SLC44A2: variants seen among roughly 807,000 people sequenced by gnomAD.
SLC44A2 encodes choline transporter-like protein 2.
In SLC44A2, 57 loss-of-function variants were observed where a neutral mutation model predicts 90.8. The observed-to-expected ratio is 0.63, with a 90% CI of 0.51 to 0.78. The LOEUF is 0.78. Among genes scored for constraint, SLC44A2 ranks in the 30% least tolerant of loss-of-function variants. The probability of loss-of-function intolerance (pLI) is 0.00; values close to 1 mark genes in which losing one functional copy is unlikely to be tolerated. For missense variants in SLC44A2, 794 were observed against 919.7 expected (o/e 0.86, Z 1.77); for synonymous variants, 355 against 360.7 (o/e 0.98, Z 0.18).
Position 10,643,381 on chromosome 19 carries a change from C to T in SLC44A2, c.2117C>T (p.Ser706Phe). The stretch of plus-strand genomic sequence containing the variant: ...AAGACCAACAAGAAGGCAGCGGAGT[C>T]CTGAAGGCCCCGTGCTCCCCACCTC... The part of the protein sequence containing the change: ...LNKTNKKAAE[S>F] Residue 706 changes from serine to phenylalanine, a missense_variant, in exon 22 of 22, where the codon TCC becomes TTC. Coordinates refer to ENST00000335757, the MANE Select transcript of SLC44A2 (RefSeq NM_020428.4). 2.5e-6 allele frequency: 4 copies of T among 1,609,486 alleles called. No homozygotes were observed. Among genetic ancestry groups the T allele is most frequent in the Non-Finnish European group, 3.4e-6 (4 of 1,177,434 alleles).
chr19:10,633,088 T>C lies in SLC44A2; in HGVS notation c.823+932T>C, dbSNP rs1314803106. On this transcript the variant is annotated intron_variant, in intron 10 of 21. Coordinates refer to ENST00000335757, the MANE Select transcript of SLC44A2 (RefSeq NM_020428.4). ...GGTAGGGGCCTGTTTAGTTCAGGCC[T>C]GTGGAATCCAGAGGCACAATATCGT... Among the ~76,000 whole-genome samples the C allele has an allele frequency of 4.6e-5, 7 of 152,300 alleles. No individual in the cohort carries two copies. In the East Asian group the frequency reaches 1.2e-3, roughly 25 times the overall value.
At chr19:10,641,356 T>G (rs1382899442) in intron 20 of SLC44A2, 2 of 429,384 alleles carry the variant, frequency 4.7e-6, no homozygotes, top group East Asian at 1.4e-4. Flanking sequence ...ATGGGGCCAC[T>G]GCACTCTAGC....
chr19:10,634,912 C>T, intron 11 of SLC44A2, 25 bp downstream of exon 11: 1 of 1,614,174 alleles, frequency 6.2e-7, no homozygotes, highest in Non-Finnish European at 8.5e-7. Context: ...CCCATTCCTG[C>T]CCCCACATGA....
chr19:10,610,032 G>A (rs1457537076), intron 1 of SLC44A2, among the ~76,000 whole-genome samples: 3 of 151,690 alleles, frequency 2.0e-5, no homozygotes, highest in Admixed American at 6.6e-5. Flanking sequence ...TCTCAAACTC[G>A]TGACCTCAAA....
At chr19:10,637,515 C>G (rs1317714221) in intron 16 of SLC44A2, 129 bp from the exon 17 acceptor site, 6 of 790,994 alleles carry the variant, frequency 7.6e-6, no homozygotes, top group Non-Finnish European at 1.3e-5. Flanking sequence ...GGGCTTAAGT[C>G]CCTGTCTCTT....
chr19:10,629,997 C>T lies in SLC44A2; in HGVS notation c.246-1060C>T, dbSNP rs184060425. On this transcript the variant is annotated intron_variant, in intron 4 of 21. Transcript: ENST00000335757. ...CTCGAACTCCTGACCTCAGGTGATC[C>T]GCCTGCCTTGGCCTCCAAAAGTGCT... is the stretch of plus-strand genomic sequence containing the variant. Among the ~76,000 whole-genome samples the T allele has an allele frequency of 4.1e-3, 616 of 151,662 alleles. 11 individuals are homozygous for T. Among genetic ancestry groups the T allele is most frequent in the Admixed American group, 0.034 (514 of 15,214 alleles).
At chr19:10,604,143 C>T (rs1302750169) in intron 1 of SLC44A2, among the ~76,000 whole-genome samples, 3 of 152,108 alleles carry the variant, frequency 2.0e-5, no homozygotes, top group Non-Finnish European at 2.9e-5. Flanking sequence ...AATCCTTGAC[C>T]GCAGGGAGTA....
In SLC44A2 at chr19:10,643,379, G is replaced by A; in HGVS notation, c.2115G>A (p.Glu705=). Residue 705 remains glutamate (E), a synonymous_variant, in exon 22 of 22, where the codon GAG becomes GAA. Transcript: ENST00000335757. ...LLNKTNKKAA[E]S is the part of the protein sequence containing the mutation. ...ACAAGACCAACAAGAAGGCAGCGGA[G>A]TCCTGAAGGCCCCGTGCTCCCCACC... 6.2e-7 allele frequency: 1 copy of A among 1,611,028 alleles called. No homozygotes were observed. The highest frequency in any genetic ancestry group is 8.5e-7 in the Non-Finnish European group (1 of 1,178,332).
At position 10,638,048 on chromosome 19, in the gene SLC44A2, G is replaced by C; in HGVS notation, c.1795G>C (p.Asp599His). 1 of 1,613,954 alleles carries C rather than the reference G, an allele frequency of 6.2e-7. No homozygotes were observed. The highest frequency in any genetic ancestry group is 8.5e-7 in the Non-Finnish European group (1 of 1,179,996). Residue 599 changes from aspartate to histidine, a missense_variant, in exon 19 of 22, where the codon GAC becomes CAC. By Grantham distance (81) the Asp-to-His change is moderately conservative. Around this residue, in one of 3 missense-constraint regions of SLC44A2, gnomAD observed 738 missense variants for 841.1 expected, o/e 0.88. Transcript: ENST00000335757. ...AGTGGCTGTCCTGGATAAAGTTACT[G>C]ACTTCCTCTTCCTGTTGGGCAAACT... Reference protein sequence around the residue: ...IRVAVLDKVTDFLFLLGKLLI... With the variant: ...IRVAVLDKVTHFLFLLGKLLI...
chr19:10,635,480 C>A lies in SLC44A2; in HGVS notation c.1198C>A (p.Pro400Thr), dbSNP rs1401833882. 2 of 1,613,964 alleles carry A rather than the reference C, an allele frequency of 1.2e-6. No individual in the cohort carries two copies. Among genetic ancestry groups the A allele is most frequent in the Non-Finnish European group, 8.5e-7 (1 of 1,180,002 alleles). Residue 400 changes from proline to threonine, a missense_variant, in exon 14 of 22, where the codon CCC (proline) becomes ACC (threonine). Physicochemically the swap from Pro to Thr is conservative, Grantham distance 38. Around this residue, in one of 3 missense-constraint regions of SLC44A2, gnomAD observed 738 missense variants for 841.1 expected, o/e 0.88. Coordinates refer to ENST00000335757, the MANE Select transcript of SLC44A2 (RefSeq NM_020428.4). ...EAVYKIFDDS[P>T]CPFTAKTCNP... Reference sequence around the variant, plus strand: ...GGTCTATAAGATCTTTGATGACAGCCCCTGCCCATTTACTGCGAAAACCTG... The same window carrying A: ...GGTCTATAAGATCTTTGATGACAGCACCTGCCCATTTACTGCGAAAACCTG...
At position 10,644,181 on chromosome 19, in the gene SLC44A2, G is replaced by A. The variant is rs2067145814; in HGVS notation, c.*796G>A. 6.5e-6 allele frequency: 1 copy of A among 152,672 alleles called. No individual in the cohort carries two copies. Among genetic ancestry groups the A allele is most frequent in the Admixed American group, 6.5e-5 (1 of 15,278 alleles). 9.5% of individuals were successfully genotyped at this position (152,672 alleles called of 1,614,324 possible). ...ACTTCCTCTGCCAGTTATTGACACA[G>A]CTCTCTTTGTAAGAGAGGAAAGAAA... is the stretch of plus-strand genomic sequence containing the variant. On this transcript the variant is annotated 3_prime_UTR_variant, in exon 22 of 22. Coordinates refer to ENST00000335757, the MANE Select transcript of SLC44A2 (RefSeq NM_020428.4).
upstream of SLC44A2, among the ~76,000 whole-genome samples, chr19:10,623,841 C>G (rs534041724): frequency 2.9e-4 from 44 of 152,132 alleles, no homozygotes; most frequent in Middle Eastern, 6.8e-3. Flanking sequence ...AGGTGCCCAC[C>G]ACCACACCTG....
intron 1 of SLC44A2, among the ~76,000 whole-genome samples, chr19:10,610,932 G>A (rs1918283219): frequency 2.0e-5 from 3 of 151,442 alleles, no homozygotes; most frequent in South Asian, 4.2e-4. Flanking sequence ...GAGCCACCGC[G>A]CCCCGCCAAG....
At chr19:10,610,700 C>T (rs1456214268) in intron 1 of SLC44A2, among the ~76,000 whole-genome samples, 13 of 120,226 alleles carry the variant, frequency 1.1e-4, no homozygotes, top group African/African-American at 4.2e-4. Flanking sequence ...AGTGCAATGG[C>T]GTGATCTTGG....
intron 21 of SLC44A2, 80 bp from the exon 22 acceptor site, chr19:10,643,199 C>G (rs2144900890): frequency 6.6e-7 from 1 of 1,516,316 alleles, no homozygotes; most frequent in African/African-American, 1.4e-5. Context: ...TCTCTGTGAC[C>G]CTCATCCACC....
intron 1 of SLC44A2, among the ~76,000 whole-genome samples, chr19:10,612,864 C>T (rs1036552081): frequency 1.1e-4 from 17 of 152,172 alleles, no homozygotes; most frequent in African/African-American, 4.1e-4. Context: ...ATTGCCGCAA[C>T]GTTATCTCTG....
upstream of SLC44A2, chr19:10,602,501 T>C (rs1385950524): frequency 4.0e-6 from 5 of 1,254,654 alleles, no homozygotes; most frequent in Non-Finnish European, 5.0e-6. Flanking sequence ...TCGCGCTGGC[T>C]CGGACTCCGC....
At chr19:10,627,588 T>C in intron 2 of SLC44A2, 134 bp from the exon 3 acceptor site, 1 of 787,388 alleles carries the variant, frequency 1.3e-6, no homozygotes, top group East Asian at 2.5e-5. Context: ...GCATGTGCCC[T>C]TTGGTACGGC....
At chr19:10,632,677 CTT>C (rs35340369) in intron 10 of SLC44A2, among the ~76,000 whole-genome samples, 18 of 146,442 alleles carry the variant, frequency 1.2e-4, no homozygotes, top group Admixed American at 1.4e-4. Context: ...CAATTTCTTT[CTT>C]TTTTTTTTTT....
Sources: allele counts gnomAD v4.1 joint callset (sites outside exome capture counted in the v4.1 genomes callset), GRCh38; gene constraint gnomAD v4.1.1; regional missense constraint gnomAD v4.1.1; transcripts MANE v1.5; gene names NCBI Gene and HGNC (gene_info 2026-07-23, HGNC 2026-07-21).